The following DMD variants were observed in gnomAD, a reference collection of about 807,000 sequenced individuals.
The protein encoded by DMD is mutant dystrophin.
DMD carries 63 observed loss-of-function variants against 330.1 expected under a neutral mutation model. The ratio of observed to expected loss-of-function variants is 0.19; its 90% confidence interval spans 0.16 to 0.24. DMD has a LOEUF of 0.24. DMD is among the 10% of genes least tolerant of loss of function. The pLI is 1.00. For missense variants in DMD, 3,344 were observed against 2,684.1 expected (o/e 1.25, Z -5.43); for synonymous variants, 1,223 against 959.8 (o/e 1.27, Z -5.07).
intron 9 of DMD, among the ~76,000 whole-genome samples, chrX:32,685,518 A>T (rs2062792035): frequency 8.9e-6 from 1 of 111,979 alleles, no homozygotes; most frequent in African/African-American, 3.2e-5. Flanking sequence ...TTTTAAATTG[A>T]CCAGAGTTCC....
At chrX:32,145,431 G>A (rs1451853429) in intron 44 of DMD, among the ~76,000 whole-genome samples, 1 of 112,069 alleles carries the variant, frequency 8.9e-6, no homozygotes, top group Non-Finnish European at 1.9e-5. Context: ...ACAGTCCCAA[G>A]GAGTTTGAAA....
intron 11 of DMD, among the ~76,000 whole-genome samples, chrX:32,620,693 C>T (rs1438355740): frequency 8.9e-6 from 1 of 111,997 alleles, no homozygotes; most frequent in Non-Finnish European, 1.9e-5. Flanking sequence ...TACTGAGTTT[C>T]ATATCTATGC....
chrX:32,520,595 A>C (rs953137333), intron 17 of DMD, among the ~76,000 whole-genome samples: 7 of 111,669 alleles, frequency 6.3e-5, no homozygotes, highest in African/African-American at 2.3e-4. Flanking sequence ...GAAGTATGAT[A>C]CACAGTGTCT....
chrX:31,354,866 T>A (rs935889044), intron 60 of DMD, among the ~76,000 whole-genome samples: 2 of 111,979 alleles, frequency 1.8e-5, no homozygotes, highest in Admixed American at 1.9e-4. Flanking sequence ...GTTCCTCTTA[T>A]TTGTCAGGCA....
At chrX:31,816,794 T>TCTCACACACACACACTCACA (rs1556914952) in intron 50 of DMD, among the ~76,000 whole-genome samples, 3 of 85,344 alleles carry the variant, frequency 3.5e-5, no homozygotes, top group African/African-American at 1.4e-4. Context: ...CAAGATTCTG[T>TCTCACACACACACACTCACA]CACACACACA....
At chrX:32,926,990 A>G (rs2089089908) in intron 2 of DMD, among the ~76,000 whole-genome samples, 1 of 111,632 alleles carries the variant, frequency 9.0e-6, no homozygotes, top group Non-Finnish European at 1.9e-5. Context: ...ACATGGCATC[A>G]TCTGCAGAGG....
chrX:31,643,131 T>C (rs1339565312), intron 54 of DMD, among the ~76,000 whole-genome samples: 1 of 111,595 alleles, frequency 9.0e-6, no homozygotes, highest in African/African-American at 3.3e-5. Context: ...CACTCATCCA[T>C]TTTCCTTCCT....
intron 41 of DMD, among the ~76,000 whole-genome samples, chrX:32,334,625 A>T (rs2097696426): frequency 9.0e-6 from 1 of 111,452 alleles, no homozygotes; most frequent in African/African-American, 3.3e-5. Context: ...ATTTAAGGAA[A>T]TCCCAAACAA....
In DMD at chrX:32,790,925, A is replaced by T. The variant is rs747343237; in HGVS notation, c.649+18568T>A. Among the ~76,000 whole-genome samples the T allele has an allele frequency of 2.7e-5, 3 of 111,079 alleles. No individual in the cohort carries two copies. In the South Asian group the frequency reaches 1.1e-3, roughly 43 times the overall value. On this transcript the variant is annotated intron_variant, in intron 7 of 78. Coordinates refer to ENST00000357033, the MANE Select transcript of DMD (RefSeq NM_004006.3). ...ACCTTGCCCCTCGACTACAATAACCAGTGGTTGCATGCACCACCAGGAGTC... is the reference window on the plus strand; with the variant it reads ...ACCTTGCCCCTCGACTACAATAACCTGTGGTTGCATGCACCACCAGGAGTC...
At chrX:31,821,493 G>A (rs73461900) in intron 49 of DMD, among the ~76,000 whole-genome samples, 1 of 111,279 alleles carries the variant, frequency 9.0e-6, no homozygotes, top group Non-Finnish European at 1.9e-5. Context: ...TGCGAAACCC[G>A]AGCAGAGAAA....
intron 29 of DMD, among the ~76,000 whole-genome samples, chrX:32,424,957 C>T (rs2098205540): frequency 9.0e-6 from 1 of 111,356 alleles, no homozygotes; most frequent in Non-Finnish European, 1.9e-5. Flanking sequence ...TCAAAGATAA[C>T]GCAAAGAAAA....
intron 45 of DMD, among the ~76,000 whole-genome samples, chrX:31,962,249 A>G (rs1348008121): frequency 8.9e-6 from 1 of 111,753 alleles, no homozygotes; most frequent in African/African-American, 3.3e-5. Flanking sequence ...CATCACTTCC[A>G]TCACCACCCT....
intron 1 of DMD, among the ~76,000 whole-genome samples, chrX:33,278,831 T>C (rs966699383): frequency 2.7e-5 from 3 of 111,678 alleles, no homozygotes. Flanking sequence ...AGAAGGTCAC[T>C]ACATAATGAT....
chrX:31,857,811 AT>A (rs2093639758), intron 48 of DMD, among the ~76,000 whole-genome samples: 1 of 100,221 alleles, frequency 1.0e-5, no homozygotes. Flanking sequence ...AATATCCCCT[AT>A]ATGCACAGAT....
chrX:32,786,847 A>G (rs1441362804), intron 7 of DMD, among the ~76,000 whole-genome samples: 1 of 112,055 alleles, frequency 8.9e-6, no homozygotes, highest in African/African-American at 3.2e-5. Context: ...AATGACCAAA[A>G]TAATAGTCTC....
At chrX:32,055,722 T>A (rs1687851701) in intron 44 of DMD, among the ~76,000 whole-genome samples, 1 of 111,706 alleles carries the variant, frequency 9.0e-6, no homozygotes, top group South Asian at 3.7e-4. Context: ...AAGGAGAACT[T>A]CCCAATCAAT....
chrX:32,040,860 G>C (rs891571455), intron 44 of DMD, among the ~76,000 whole-genome samples: 6 of 110,945 alleles, frequency 5.4e-5, no homozygotes, highest in African/African-American at 2.0e-4. Flanking sequence ...CCTTGAGAAG[G>C]GGACCCATGG....
chrX:31,231,414 G>A (rs7051587), intron 63 of DMD, among the ~76,000 whole-genome samples: 1 of 111,119 alleles, frequency 9.0e-6, no homozygotes, highest in African/African-American at 3.3e-5. Context: ...TTTTATAACT[G>A]CTTAAAAGAC....
At chrX:31,486,175 T>A (rs944114172) in intron 57 of DMD, among the ~76,000 whole-genome samples, 1 of 112,508 alleles carries the variant, frequency 8.9e-6, no homozygotes, top group Non-Finnish European at 1.9e-5. Context: ...AGTTTGAGAG[T>A]CTCTGCTAAG....
Sources: gnomAD v4.1 joint callset for allele counts (sites outside exome capture counted in the v4.1 genomes callset) on GRCh38, gnomAD v4.1.1 for gene constraint, MANE v1.5 for transcripts, NCBI Gene and HGNC (gene_info 2026-07-23, HGNC 2026-07-21) for gene names.